The following DST variants were observed in gnomAD, a reference collection of about 807,000 sequenced individuals.
The protein encoded by DST is dystonin, also known as bullous pemphigoid antigen.
A neutral mutation model predicts 875.2 loss-of-function variants in DST; 253 were observed. The observed-to-expected ratio is 0.29, with a 90% CI of 0.26 to 0.32. The LOEUF (loss-of-function observed/expected upper bound fraction) is 0.32, where lower values mean the gene tolerates loss of function less well. Among genes scored for constraint, DST ranks in the 10% least tolerant of loss-of-function variants. The pLI is 1.00. For synonymous variants in DST, 3,124 were observed against 3,197.1 expected (o/e 0.98, Z 0.77); for missense variants, 8,287 against 9,111.6 (o/e 0.91, Z 3.68).
intron 59 of DST, 94 bp downstream of exon 59, chr6:56,557,225 C>G (rs2097438852): frequency 9.2e-6 from 11 of 1,200,940 alleles, no homozygotes; most frequent in Non-Finnish European, 1.3e-5. Flanking sequence ...AATAAAACAC[C>G]TACTGACCAA....
chr6:56,768,480 G>A (rs1240627159), intron 4 of DST, among the ~76,000 whole-genome samples: 1 of 152,092 alleles, frequency 6.6e-6, no homozygotes, highest in African/African-American at 2.4e-5. Flanking sequence ...GGAACAACTG[G>A]ACATCTATAT....
intron 9 of DST, among the ~76,000 whole-genome samples, chr6:56,671,860 C>A (rs1367684853): frequency 6.6e-6 from 1 of 152,202 alleles, no homozygotes; most frequent in African/African-American, 2.4e-5. Context: ...TGACCAGAGT[C>A]ATGAGACAGG....
chr6:56,704,813 G>T (rs942968535), intron 5 of DST, among the ~76,000 whole-genome samples: 5 of 152,136 alleles, frequency 3.3e-5, no homozygotes, highest in Non-Finnish European at 2.9e-5. Context: ...CCATAGACGT[G>T]AGCTGGGTGA....
chr6:56,710,080 A>G (rs2099357164), intron 5 of DST, among the ~76,000 whole-genome samples: 1 of 152,208 alleles, frequency 6.6e-6, no homozygotes, highest in South Asian at 2.1e-4. Flanking sequence ...TGAGGCCATA[A>G]TATCTCTGAC....
intron 4 of DST, among the ~76,000 whole-genome samples, chr6:56,775,451 A>C (rs1223573348): frequency 1.3e-5 from 2 of 152,216 alleles, no homozygotes; most frequent in African/African-American, 2.4e-5. Context: ...AATAGGTCTA[A>C]AGTTTTATAA....
intron 75 of DST, 137 bp downstream of exon 75, chr6:56,508,392 T>A: frequency 1.4e-6 from 1 of 707,438 alleles, no homozygotes; most frequent in Non-Finnish European, 2.4e-6. Context: ...CTCTATCTCC[T>A]ACTGTATCAC....
At chr6:56,550,144 A>G (rs2097297347) in intron 61 of DST, among the ~76,000 whole-genome samples, 1 of 152,198 alleles carries the variant, frequency 6.6e-6, no homozygotes, top group Non-Finnish European at 1.5e-5. Flanking sequence ...AGATAAATGG[A>G]ATTAGTGGTT....
At chr6:56,661,961 G>A (rs991995048) in intron 10 of DST, among the ~76,000 whole-genome samples, 27 of 152,014 alleles carry the variant, frequency 1.8e-4, no homozygotes, top group South Asian at 2.1e-4. Context: ...CCCTAAACTC[G>A]TAATACATGC....
intron 2 of DST, among the ~76,000 whole-genome samples, chr6:56,916,105 A>G (rs1800802171): frequency 6.6e-6 from 1 of 152,196 alleles, no homozygotes; most frequent in Admixed American, 6.5e-5. Context: ...AAGTAACAAG[A>G]CAAGTCGGCT....
Position 56,639,681 on chromosome 6 carries a change from A to G in DST, c.2697+15T>C. On this transcript the variant is annotated intron_variant, in intron 20 of 103. Transcript: ENST00000680361. ...ATAGATAAGGGAAACAGAAGGTTTA[A>G]AAAAAAAAACTTACCAAGAGTTTTG... The G allele has an allele frequency of 6.2e-7, 1 of 1,609,288 alleles. No individual in the cohort carries two copies. Among genetic ancestry groups the G allele is most frequent in the Non-Finnish European group, 8.5e-7 (1 of 1,176,912 alleles).
Position 56,514,133 on chromosome 6 carries a change from TA to T in DST, c.18576+1316del, listed in dbSNP as rs1307491518. Among the ~76,000 whole-genome samples the T allele has an allele frequency of 3.3e-5, 5 of 152,358 alleles. No homozygotes were observed. The East Asian group carries it at 9.7e-4, about 29-fold the overall frequency. ...CAAAAAGGCAAAAAAACTCAATTTT[TA>T]AAATTTCAGCTCAATAATGAGCCTT... On this transcript the variant is annotated intron_variant, in intron 72 of 103. Transcript: ENST00000680361.
intron 2 of DST, among the ~76,000 whole-genome samples, chr6:56,944,375 GT>G (rs2127796366): frequency 6.6e-6 from 1 of 151,642 alleles, no homozygotes; most frequent in East Asian, 1.9e-4. Flanking sequence ...ACACTAAATT[GT>G]TACTACGAGG....
chr6:56,908,098 T>TATATATATATATACACACACACACAC (rs148958146), intron 2 of DST, among the ~76,000 whole-genome samples: 3 of 150,498 alleles, frequency 2.0e-5, no homozygotes, highest in African/African-American at 7.3e-5. Flanking sequence ...TATATATATA[T>TATATATATATATACACACACACACAC]ACACACACAC....
In DST at chr6:56,533,019, G is replaced by A. The variant is rs564119941; in HGVS notation, c.16942-509C>T. ...GTTCACAAGTTAACAAGGCTAAAACGAGAGGCTCTTGGCTCCTTTTACTAG... is the reference window on the plus strand; with the variant it reads ...GTTCACAAGTTAACAAGGCTAAAACAAGAGGCTCTTGGCTCCTTTTACTAG... On this transcript the variant is annotated intron_variant, in intron 63 of 103. Transcript: ENST00000680361. Among the ~76,000 whole-genome samples, 7 of 152,256 alleles carry A rather than the reference G, an allele frequency of 4.6e-5. No individual in the cohort carries two copies. The South Asian group carries it at 1.0e-3, about 23-fold the overall frequency.
At chr6:56,843,089 G>A in intron 4 of DST, 3 of 1,569,492 alleles carry the variant, frequency 1.9e-6, no homozygotes, top group South Asian at 1.2e-5. Flanking sequence ...CGTAGGCCTG[G>A]AGATACTCCT....
chr6:56,703,893 C>G (rs1266573657), intron 6 of DST, 147 bp from the exon 7 acceptor site: 1 of 155,522 alleles, frequency 6.4e-6, no homozygotes, highest in African/African-American at 2.4e-5. Context: ...AAAAATGACA[C>G]CTGCGGAATG....
chr6:56,550,061 G>A (rs2097295134), intron 61 of DST, among the ~76,000 whole-genome samples: 1 of 152,088 alleles, frequency 6.6e-6, no homozygotes, highest in South Asian at 2.1e-4. Context: ...TTGACACATA[G>A]TAAGCCCATA....
intron 9 of DST, among the ~76,000 whole-genome samples, chr6:56,694,786 C>T (rs1430693129): frequency 1.3e-5 from 2 of 152,024 alleles, no homozygotes; most frequent in South Asian, 2.1e-4. Flanking sequence ...CCCTCATGAA[C>T]GGCTTTCGGC....
rs140182786 is a variant in DST at position 56,462,853 on chromosome 6, A to T, written c.23070+193T>A. 2.5e-3 allele frequency among the ~76,000 whole-genome samples: 382 copies of T among 152,334 alleles called. 4 individuals are homozygous for T. Among genetic ancestry groups the T allele is most frequent in the African/African-American group, 9.0e-3 (373 of 41,578 alleles). On this transcript the variant is annotated intron_variant, in intron 102 of 103. Transcript: ENST00000680361. ...ATTGACACTGTTTAAAGAGCTGCAG[A>T]CTATCTTTTCTGTTAACCCCTTACT...
Sources: gnomAD v4.1 joint callset for allele counts (sites outside exome capture counted in the v4.1 genomes callset) on GRCh38, gnomAD v4.1.1 for gene constraint, MANE v1.5 for transcripts, NCBI Gene and HGNC (gene_info 2026-07-23, HGNC 2026-07-21) for gene names.